The following SLC25A33 variants were observed in gnomAD, a reference collection of about 807,000 sequenced individuals.
The protein encoded by SLC25A33 is bone marrow stromal cell mitochondrial carrier protein.
Under a neutral mutation model 35.5 loss-of-function variants are expected in SLC25A33, and 15 were observed. The ratio of observed to expected loss-of-function variants is 0.42; its 90% CI spans 0.28 to 0.65. The LOEUF is 0.65. SLC25A33 is among the 30% of genes least tolerant of loss of function. The pLI is 0.20. For synonymous variants in SLC25A33, 136 were observed against 148.7 expected, an observed-to-expected ratio of 0.91 and a Z score of 0.62; for missense variants, 257 against 398.5, an observed-to-expected ratio of 0.64 and a Z score of 3.02.
intron 6 of SLC25A33, among the ~76,000 whole-genome samples, chr1:9,580,687 C>G (rs1643730215): frequency 6.6e-6 from 1 of 151,928 alleles, no homozygotes; most frequent in Admixed American, 6.6e-5. Flanking sequence ...GAAACCCCGT[C>G]TCTACTAAAA....
In SLC25A33 at chr1:9,545,110, T is replaced by C. The variant is rs545161696; in HGVS notation, c.56+5363T>C. Among the ~76,000 whole-genome samples, 142 of 152,296 alleles carry C rather than the reference T, an allele frequency of 9.3e-4. No homozygotes were observed. The South Asian group carries it at 0.015, about 16-fold the overall frequency. ...GGTGTAAAAGGATTAGAAGGTTAAC[T>C]GTATCTTCATGTAATAAATACAAAA... On this transcript the variant is annotated intron_variant, in intron 1 of 6. Transcript: ENST00000302692.
chr1:9,569,975 A>T (rs1395899284), intron 3 of SLC25A33, among the ~76,000 whole-genome samples: 1 of 152,218 alleles, frequency 6.6e-6, no homozygotes, highest in Non-Finnish European at 1.5e-5. Flanking sequence ...TTTATCCAGA[A>T]CGAAGAATGT....
At chr1:9,559,551 T>G (rs1216827333) in intron 2 of SLC25A33, among the ~76,000 whole-genome samples, 6 of 149,368 alleles carry the variant, frequency 4.0e-5, no homozygotes, top group East Asian at 1.9e-4. Context: ...AAAAAAAAGG[T>G]GGGGGGGAAT....
At position 9,582,250 on chromosome 1, in the gene SLC25A33, C is replaced by T. The variant is rs754267635; in HGVS notation, c.764-49C>T. 1.9e-5 allele frequency: 30 copies of T among 1,590,494 alleles called. No individual in the cohort carries two copies. The East Asian group carries it at 2.0e-4, about 11-fold the overall frequency. On this transcript the variant is annotated intron_variant, in intron 6 of 6. Coordinates refer to ENST00000302692, the MANE Select transcript of SLC25A33 (RefSeq NM_032315.3). The surrounding 1 kb of genome is among the most constrained non-coding windows in gnomAD (Gnocchi z 4.0). ...GTTTTAAAGTTGTGTGCTGTGGATTCGTTCCCCATTTAATATGTGGCGTAA... is the reference window on the plus strand; with the variant it reads ...GTTTTAAAGTTGTGTGCTGTGGATTTGTTCCCCATTTAATATGTGGCGTAA...
At chr1:9,543,136 T>TTTAC (rs1440900878) in intron 1 of SLC25A33, among the ~76,000 whole-genome samples, 5 of 139,750 alleles carry the variant, frequency 3.6e-5, no homozygotes, top group Non-Finnish European at 5.9e-5. Context: ...AGTATTTTTA[T>TTTAC]TTATTTATTT....
At chr1:9,555,641 G>T (rs559492880) in intron 2 of SLC25A33, among the ~76,000 whole-genome samples, 1 of 152,278 alleles carries the variant, frequency 6.6e-6, no homozygotes, top group Admixed American at 6.5e-5. Context: ...GGAACAGGGA[G>T]ATTGGTGTCC....
At chr1:9,581,523 G>A (rs1643744343) in intron 6 of SLC25A33, among the ~76,000 whole-genome samples, 1 of 152,076 alleles carries the variant, frequency 6.6e-6, no homozygotes, top group South Asian at 2.1e-4. Flanking sequence ...GAGATTAGGA[G>A]TTCGAAACCA....
chr1:9,551,502 T>G (rs1421571864), intron 1 of SLC25A33, among the ~76,000 whole-genome samples: 1 of 152,158 alleles, frequency 6.6e-6, no homozygotes, highest in Non-Finnish European at 1.5e-5. Context: ...TCTAGTGGAG[T>G]AGGGAAGCTG....
chr1:9,545,332 C>T (rs1192176617), intron 1 of SLC25A33, among the ~76,000 whole-genome samples: 3 of 151,664 alleles, frequency 2.0e-5, no homozygotes, highest in East Asian at 1.9e-4. Flanking sequence ...TCTAGGGGAG[C>T]GTATTTTTAT....
At chr1:9,561,024 A>G (rs1643416561) in intron 2 of SLC25A33, among the ~76,000 whole-genome samples, 1 of 145,558 alleles carries the variant, frequency 6.9e-6, no homozygotes, top group South Asian at 2.1e-4. Context: ...ATCTCTGCTC[A>G]CTGCAACCTC....
At chr1:9,572,476 G>A (rs1449240625) in intron 4 of SLC25A33, among the ~76,000 whole-genome samples, 1 of 152,048 alleles carries the variant, frequency 6.6e-6, no homozygotes, top group Non-Finnish European at 1.5e-5. Context: ...AAATTAGCCA[G>A]GCGCGGTGGC....
In SLC25A33 at chr1:9,583,988, C is replaced by T. The variant is rs1374549957; in HGVS notation, c.*1487C>T. ...CCAGCCTGGGCCACAGAGTGCGACT[C>T]CATCTCAAAAAAAAAAAAAAAACCA... On this transcript the variant is annotated 3_prime_UTR_variant, in exon 7 of 7. Transcript: ENST00000302692. 6.7e-6 allele frequency: 1 copy of T among 148,604 alleles called. No individual in the cohort carries two copies. The highest frequency in any genetic ancestry group is 1.5e-5 in the Non-Finnish European group (1 of 67,330). The allele number at this position is 148,604 out of a possible 1,614,324, so 9.2% of individuals were successfully genotyped here.
intron 2 of SLC25A33, among the ~76,000 whole-genome samples, chr1:9,564,816 G>A (rs568740114): frequency 6.7e-6 from 1 of 149,042 alleles, no homozygotes; most frequent in Non-Finnish European, 1.5e-5. Context: ...CCTAGCTACT[G>A]GGAAGGCTGA....
At chr1:9,560,573 G>A (rs1405928662) in intron 2 of SLC25A33, among the ~76,000 whole-genome samples, 2 of 151,972 alleles carry the variant, frequency 1.3e-5, no homozygotes, top group African/African-American at 4.8e-5. Flanking sequence ...CAAAAAAAAA[G>A]TTGTCTGCTT....
chr1:9,550,011 ATTTTTT>A lies in SLC25A33; in HGVS notation c.57-3593_57-3588del, dbSNP rs70979761. On this transcript the variant is annotated intron_variant, in intron 1 of 6. Coordinates refer to ENST00000302692, the MANE Select transcript of SLC25A33 (RefSeq NM_032315.3). ...TTTTTCTATACATATATATATATAT[ATTTTTT>A]TTTTTTTTTTTTTTTTTTTTTGAGA... 1.8e-3 allele frequency among the ~76,000 whole-genome samples: 87 copies of A among 48,842 alleles called. 1 individual carries two copies. The highest frequency in any genetic ancestry group is 1.8e-3 in the African/African-American group (23 of 12,814). 32.0% of individuals were successfully genotyped at this position (48,842 alleles called of 152,430 possible). A position where few individuals can be genotyped will look rare whatever the true frequency, so the allele number is the denominator to read the frequency against.
In SLC25A33 at chr1:9,560,609, A is replaced by C. The variant is rs78272020; in HGVS notation, c.237-6675A>C. 3.1e-3 allele frequency among the ~76,000 whole-genome samples: 467 copies of C among 152,302 alleles called. 3 individuals are homozygous for C. The highest frequency in any genetic ancestry group is 0.011 in the African/African-American group (447 of 41,582). On this transcript the variant is annotated intron_variant, in intron 2 of 6. Coordinates refer to ENST00000302692, the MANE Select transcript of SLC25A33 (RefSeq NM_032315.3). ...ATTAATAGTCTTACTCATTTGGGGAATACTACTTTAAAAGACTTGTCAGAG... is the reference window on the plus strand; with the variant it reads ...ATTAATAGTCTTACTCATTTGGGGACTACTACTTTAAAAGACTTGTCAGAG...
intron 1 of SLC25A33, among the ~76,000 whole-genome samples, chr1:9,552,250 C>G (rs930208350): frequency 6.6e-6 from 1 of 152,036 alleles, no homozygotes; most frequent in Non-Finnish European, 1.5e-5. Flanking sequence ...CAGTCTTGCT[C>G]TGTCACCCAG....
chr1:9,559,150 G>A (rs1025100450), intron 2 of SLC25A33, among the ~76,000 whole-genome samples: 14 of 152,192 alleles, frequency 9.2e-5, no homozygotes, highest in Admixed American at 4.6e-4. Context: ...CAAACTCTCC[G>A]CAACACTCCA....
intron 2 of SLC25A33, among the ~76,000 whole-genome samples, chr1:9,564,736 AAAAAT>A: frequency 1.2e-5 from 1 of 81,942 alleles, no homozygotes; most frequent in East Asian, 1.7e-3. Flanking sequence ...AAAAAAAAAA[AAAAAT>A]ATATATATAT....
Sources: gnomAD v4.1 joint callset for allele counts (sites outside exome capture counted in the v4.1 genomes callset) on GRCh38, gnomAD v4.1.1 for gene constraint, Gnocchi (gnomAD v3.1) non-coding constraint, MANE v1.5 for transcripts, NCBI Gene and HGNC (gene_info 2026-07-23, HGNC 2026-07-21) for gene names.